The following MAPKAPK5 variants were observed in gnomAD, a reference collection of about 807,000 sequenced individuals.
MAPKAPK5 encodes MAPK activated protein kinase 5, also known as MAP kinase-activated protein kinase 5.
A neutral mutation model predicts 65.1 loss-of-function variants in MAPKAPK5; 30 were observed. That is an observed-to-expected ratio of 0.46 (90% CI 0.34 to 0.63). The LOEUF is 0.63. Ranked by LOEUF, MAPKAPK5 falls within the 20% of genes least tolerant of loss-of-function variation. The pLI is 0.01. For missense variants in MAPKAPK5, 433 were observed against 581.4 expected, an observed-to-expected ratio of 0.74 and a Z score of 2.63; for synonymous variants, 179 against 204.6, an observed-to-expected ratio of 0.87 and a Z score of 1.07.
At chr12:111,892,878 T>C in intron 13 of MAPKAPK5, 89 bp from the exon 14 acceptor site, 1 of 855,562 alleles carries the variant, frequency 1.2e-6, no homozygotes, top group Non-Finnish European at 1.8e-6. Flanking sequence ...AATTTGATAC[T>C]GGTAAGGTGG....
intron 1 of MAPKAPK5, among the ~76,000 whole-genome samples, chr12:111,843,721 T>G (rs2068810601): frequency 6.6e-6 from 1 of 152,242 alleles, no homozygotes; most frequent in Non-Finnish European, 1.5e-5. Context: ...TGTATATAGT[T>G]TCTCAAAATC....
At position 111,883,592 on chromosome 12, in the gene MAPKAPK5, G is replaced by C; in HGVS notation, c.672G>C (p.Leu224Phe). 1 of 1,612,034 alleles carries C rather than the reference G, an allele frequency of 6.2e-7. No homozygotes were observed. The highest frequency in any genetic ancestry group is 1.1e-5 in the South Asian group (1 of 90,616). Residue 224 changes from leucine to phenylalanine, a missense_variant, in exon 9 of 14, where the codon TTG (leucine) becomes TTC (phenylalanine). Leu to Phe is a conservative substitution (Grantham distance 22). This residue lies in a region of MAPKAPK5 where 99 missense variants were observed against 185.8 expected (regional missense o/e 0.53). Coordinates refer to ENST00000550735, the MANE Select transcript of MAPKAPK5 (RefSeq NM_003668.4). The surrounding 1 kb of genome is among the most constrained non-coding windows in gnomAD (Gnocchi z 4.8). ...TTTTTTGCTTTCAGAGCTGTGACTTGTGGTCCCTAGGGGTGATTATCTATG... is the reference window on the plus strand; with the variant it reads ...TTTTTTGCTTTCAGAGCTGTGACTTCTGGTCCCTAGGGGTGATTATCTATG... ...TPYTYNKSCDLWSLGVIIYVM... is the reference protein window; with the variant it reads ...TPYTYNKSCDFWSLGVIIYVM...
intron 1 of MAPKAPK5, among the ~76,000 whole-genome samples, chr12:111,857,335 G>A (rs1257027710): frequency 1.3e-5 from 2 of 151,116 alleles, no homozygotes; most frequent in Non-Finnish European, 1.5e-5. Flanking sequence ...TCCACCTCCC[G>A]GGTTCAAGCA....
At chr12:111,847,364 T>G (rs1477206821) in intron 1 of MAPKAPK5, among the ~76,000 whole-genome samples, 2 of 146,254 alleles carry the variant, frequency 1.4e-5, no homozygotes, top group South Asian at 2.2e-4. Context: ...AAAAAAAATT[T>G]AGGATAAGGT....
At chr12:111,858,354 C>T (rs2069313664) in intron 1 of MAPKAPK5, among the ~76,000 whole-genome samples, 1 of 151,844 alleles carries the variant, frequency 6.6e-6, no homozygotes, top group South Asian at 2.1e-4. Flanking sequence ...TCAAATATTC[C>T]CACCTCCCCC....
At chr12:111,857,284 T>C (rs1235697423) in intron 1 of MAPKAPK5, among the ~76,000 whole-genome samples, 1 of 151,668 alleles carries the variant, frequency 6.6e-6, no homozygotes, top group Non-Finnish European at 1.5e-5. Context: ...TCCCGTTGCT[T>C]AGGCTAGAGT....
chr12:111,877,900 C>T (rs1399698154), intron 7 of MAPKAPK5, among the ~76,000 whole-genome samples: 2 of 151,892 alleles, frequency 1.3e-5, no homozygotes, highest in Admixed American at 6.6e-5. Flanking sequence ...CCACATTGTC[C>T]AGGCTGGTCT....
In MAPKAPK5 at chr12:111,842,652, G is replaced by T. The variant is rs1667526364; in HGVS notation, c.-82G>T. On this transcript the variant is annotated 5_prime_UTR_variant, in exon 1 of 14. Transcript: ENST00000550735. The stretch of plus-strand genomic sequence containing the variant: ...CACGAGGCCCAGGGGCCCGAGTGCC[G>T]AGCCCTTTGCTCCCTCGGCCGCGCG... The T allele has an allele frequency of 3.7e-6, 4 of 1,084,230 alleles. No homozygotes were observed. Among genetic ancestry groups the T allele is most frequent in the African/African-American group, 3.3e-5 (2 of 61,268 alleles). 67.2% of individuals were successfully genotyped at this position (1,084,230 alleles called of 1,614,324 possible). A position where few individuals can be genotyped will look rare whatever the true frequency, so the allele number is the denominator to read the frequency against.
chr12:111,900,682 G>A lies in MAPKAPK5; in HGVS notation c.*7621G>A, dbSNP rs1230763228. On this transcript the variant is annotated 3_prime_UTR_variant, in exon 14 of 14. Coordinates refer to ENST00000550735, the MANE Select transcript of MAPKAPK5 (RefSeq NM_003668.4). ...ATACTGAAGGCGAAAGCAGAGTGCA[G>A]TGATGGTCCATGTTGTCATAAGTGT... 2 of 456,020 alleles carry A rather than the reference G, an allele frequency of 4.4e-6. No homozygotes were observed. Among genetic ancestry groups the A allele is most frequent in the South Asian group, 3.1e-5 (2 of 64,570 alleles). 28.2% of individuals were successfully genotyped at this position (456,020 alleles called of 1,614,324 possible). A position where few individuals can be genotyped will look rare whatever the true frequency, so the allele number is the denominator to read the frequency against.
At chr12:111,848,571 G>A (rs984618898) in intron 1 of MAPKAPK5, among the ~76,000 whole-genome samples, 3 of 151,930 alleles carry the variant, frequency 2.0e-5, no homozygotes, top group Non-Finnish European at 2.9e-5. Context: ...CTGCCATCAT[G>A]CCCAGCTAAT....
Position 111,883,825 on chromosome 12 carries a change from C to T in MAPKAPK5, c.848+57C>T. 1.3e-6 allele frequency: 2 copies of T among 1,552,662 alleles called. No homozygotes were observed. Among genetic ancestry groups the T allele is most frequent in the Non-Finnish European group, 1.7e-6 (2 of 1,146,186 alleles). On this transcript the variant is annotated intron_variant, in intron 9 of 13. Coordinates refer to ENST00000550735, the MANE Select transcript of MAPKAPK5 (RefSeq NM_003668.4). The surrounding 1 kb of genome is among the most constrained non-coding windows in gnomAD (Gnocchi z 4.8). ...AAGGAGGCCTCCAGGTGGTGGAGCACAAGGGAATGTGGGTAGAGAAAAGTC... is the reference window on the plus strand; with the variant it reads ...AAGGAGGCCTCCAGGTGGTGGAGCATAAGGGAATGTGGGTAGAGAAAAGTC...
rs1472159620 is a variant in MAPKAPK5 at position 111,901,329 on chromosome 12, C to G, written c.*8268C>G. On this transcript the variant is annotated 3_prime_UTR_variant, in exon 14 of 14. Transcript: ENST00000550735. ...CTGCCACTGTAATGAAGGGCATGCC[C>G]CCCCTGACTGTGTTACTGCAGGAAG... 6.6e-6 allele frequency: 3 copies of G among 455,986 alleles called. No homozygotes were observed. Among genetic ancestry groups the G allele is most frequent in the Admixed American group, 2.3e-5 (1 of 42,558 alleles). The allele number at this position is 455,986 out of a possible 1,614,324, so 28.2% of individuals were successfully genotyped here.
intron 7 of MAPKAPK5, among the ~76,000 whole-genome samples, chr12:111,874,920 G>A (rs2069914546): frequency 6.6e-6 from 1 of 151,576 alleles, no homozygotes; most frequent in Admixed American, 6.6e-5. Context: ...GACTACAGGC[G>A]CCCGCCACCA....
At chr12:111,878,996 C>G (rs2070097632) in intron 7 of MAPKAPK5, among the ~76,000 whole-genome samples, 1 of 152,122 alleles carries the variant, frequency 6.6e-6, no homozygotes. Context: ...TTTTGCTATT[C>G]TGACTTCCTT....
chr12:111,846,912 G>A (rs910060736), intron 1 of MAPKAPK5, among the ~76,000 whole-genome samples: 3 of 152,100 alleles, frequency 2.0e-5, no homozygotes, highest in African/African-American at 4.8e-5. Flanking sequence ...CTATCCTGTA[G>A]TTACTTAGTA....
intron 6 of MAPKAPK5, among the ~76,000 whole-genome samples, chr12:111,870,795 T>C (rs1272729569): frequency 6.6e-6 from 1 of 152,214 alleles, no homozygotes; most frequent in Non-Finnish European, 1.5e-5. Context: ...GATGGGCTTA[T>C]AGAGTGAAGG....
rs1485492467 is a variant in MAPKAPK5, at chr12:111,899,829, G to A, written c.*6768G>A. On this transcript the variant is annotated 3_prime_UTR_variant, in exon 14 of 14. Coordinates refer to ENST00000550735, the MANE Select transcript of MAPKAPK5 (RefSeq NM_003668.4). ...ATTGAGCCCATGGACTCTTCAAGAC[G>A]GTTTGAACATGTGTTATACACCATG... is the stretch of plus-strand genomic sequence containing the variant. 2.5e-5 allele frequency: 11 copies of A among 438,776 alleles called. No homozygotes were observed. Among genetic ancestry groups the A allele is most frequent in the Admixed American group, 2.4e-4 (10 of 41,994 alleles). The allele number at this position is 438,776 out of a possible 1,614,324, so 27.2% of individuals were successfully genotyped here.
chr12:111,897,466 A>T lies in MAPKAPK5; in HGVS notation c.*4405A>T. ...ATATTTCATTTTAATTATTTATTTA[A>T]AGAGTAGAGTGTTCTTCCATTATTG... On this transcript the variant is annotated 3_prime_UTR_variant, in exon 14 of 14. Coordinates refer to ENST00000550735, the MANE Select transcript of MAPKAPK5 (RefSeq NM_003668.4). 1 of 152,320 alleles carries T rather than the reference A, an allele frequency of 6.6e-6. No homozygotes were observed. The highest frequency in any genetic ancestry group is 1.9e-4 in the East Asian group (1 of 5,192). The allele number at this position is 152,320 out of a possible 1,614,324, so 9.4% of individuals were successfully genotyped here. A position where few individuals can be genotyped will look rare whatever the true frequency, so the allele number is the denominator to read the frequency against.
intron 4 of MAPKAPK5, among the ~76,000 whole-genome samples, 181 bp from the exon 5 acceptor site, chr12:111,868,572 A>AT (rs893081674): frequency 1.1e-4 from 17 of 150,970 alleles, no homozygotes; most frequent in African/African-American, 3.9e-4. Context: ...TCACATTAAA[A>AT]TTTTTTTTTT....
Sources: allele counts gnomAD v4.1 joint callset (sites outside exome capture counted in the v4.1 genomes callset), GRCh38; gene constraint gnomAD v4.1.1; regional missense constraint gnomAD v4.1.1; non-coding constraint Gnocchi (gnomAD v3.1); transcripts MANE v1.5; gene names NCBI Gene and HGNC (gene_info 2026-07-23, HGNC 2026-07-21).